Variants in RBM33 observed in about 807,000 individuals in gnomAD.
RBM33 encodes RNA binding motif protein 33.
In RBM33, 28 loss-of-function variants were observed where a neutral mutation model predicts 132.6. That is an observed-to-expected ratio of 0.21 (90% CI 0.16 to 0.29). The LOEUF (loss-of-function observed/expected upper bound fraction) is 0.29. Ranked by LOEUF, RBM33 falls within the 10% of genes least tolerant of loss-of-function variation. RBM33 has a pLI of 1.00. For synonymous variants in RBM33, 634 were observed against 593.0 expected, an observed-to-expected ratio of 1.07 and a Z score of -1.01; for missense variants, 1,291 against 1,518.5, an observed-to-expected ratio of 0.85 and a Z score of 2.49.
intron 2 of RBM33, among the ~76,000 whole-genome samples, chr7:155,668,339 C>T (rs1373533851): frequency 6.6e-6 from 1 of 152,082 alleles, no homozygotes. Flanking sequence ...TATTTTAGTT[C>T]CATGCAATTT....
chr7:155,755,657 A>G (rs1397662471), intron 14 of RBM33, among the ~76,000 whole-genome samples: 1 of 152,242 alleles, frequency 6.6e-6, no homozygotes, highest in African/African-American at 2.4e-5. Flanking sequence ...TTGCTAGTGA[A>G]TGCAAGTCAG....
At chr7:155,657,946 G>C (rs1798536954) in intron 1 of RBM33, among the ~76,000 whole-genome samples, 1 of 152,148 alleles carries the variant, frequency 6.6e-6, no homozygotes, top group Admixed American at 6.5e-5. Context: ...TTTTGCACTT[G>C]TTGGTCCAAG....
intron 14 of RBM33, among the ~76,000 whole-genome samples, chr7:155,755,752 G>A (rs1448479489): frequency 6.6e-6 from 1 of 152,110 alleles, no homozygotes; most frequent in Non-Finnish European, 1.5e-5. Context: ...ATCAGTAGGT[G>A]TTTTTATCTA....
rs568324599 is a variant in RBM33, at chr7:155,684,843, T to C, written c.567+3935T>C. ...ACCATAGTAAAACTTTCTACAATTA[T>C]TAAGCATGAATCATAAAGACGAAAA... is the stretch of plus-strand genomic sequence containing the variant. On this transcript the variant is annotated intron_variant, in intron 5 of 17. Coordinates refer to ENST00000401878, the MANE Select transcript of RBM33 (RefSeq NM_053043.3). 66 of 1,389,306 alleles carry C rather than the reference T, an allele frequency of 4.8e-5. No individual in the cohort carries two copies. In the East Asian group the frequency reaches 1.2e-3, roughly 25 times the overall value. 86.1% of individuals were successfully genotyped at this position (1,389,306 alleles called of 1,614,324 possible). A position where few individuals can be genotyped will look rare whatever the true frequency, so the allele number is the denominator to read the frequency against.
At chr7:155,683,175 C>T (rs1799382476) in intron 5 of RBM33, among the ~76,000 whole-genome samples, 1 of 152,174 alleles carries the variant, frequency 6.6e-6, no homozygotes, top group Non-Finnish European at 1.5e-5. Context: ...ATGATGATCA[C>T]AATGGTAACA....
chr7:155,737,393 A>T lies in RBM33; in HGVS notation c.1261-137A>T. 5.4e-6 allele frequency: 4 copies of T among 734,812 alleles called. No homozygotes were observed. The African/African-American group carries it at 7.8e-5, about 14-fold the overall frequency. 45.5% of individuals were successfully genotyped at this position (734,812 alleles called of 1,614,324 possible). A position where few individuals can be genotyped will look rare whatever the true frequency, so the allele number is the denominator to read the frequency against. ...TGTGTGTGTGTGTGTGTGTAGAAAG[A>T]GAAAGACAGTGACTGTTAGGAGACA... On this transcript the variant is annotated intron_variant, in intron 9 of 17. Transcript: ENST00000401878.
At position 155,738,233 on chromosome 7, in the gene RBM33, C is replaced by T; in HGVS notation, c.1567C>T (p.Pro523Ser). The T allele has an allele frequency of 6.2e-7, 1 of 1,613,986 alleles. No individual in the cohort carries two copies. The highest frequency in any genetic ancestry group is 8.5e-7 in the Non-Finnish European group (1 of 1,179,890). The change falls in exon 11 of 18, where the codon CCA (proline) becomes TCA (serine). Residue 523 changes from proline to serine, a missense_variant. Physicochemically the swap from Pro to Ser is moderately conservative, Grantham distance 74 (BLOSUM62 -1). Transcript: ENST00000401878. ...FNQQGQQPVF[P>S]RERPVRPALQ... Reference sequence around the variant, plus strand: ...TCAGCAAGGACAGCAGCCAGTGTTCCCAAGAGAGCGGCCCGTACGACCAGC... The same window carrying T: ...TCAGCAAGGACAGCAGCCAGTGTTCTCAAGAGAGCGGCCCGTACGACCAGC...
intron 9 of RBM33, among the ~76,000 whole-genome samples, chr7:155,736,325 A>G (rs1402629042): frequency 6.6e-6 from 1 of 152,256 alleles, no homozygotes; most frequent in African/African-American, 2.4e-5. Flanking sequence ...GATACTTAAA[A>G]GTTGTGAAAT....
chr7:155,659,800 G>A (rs1476471022), intron 1 of RBM33, among the ~76,000 whole-genome samples: 2 of 150,064 alleles, frequency 1.3e-5, no homozygotes, highest in Non-Finnish European at 2.9e-5. Context: ...TCAGGAGACC[G>A]GAAGTCCATA....
At chr7:155,681,012 A>G (rs73167121) in intron 5 of RBM33, 104 bp downstream of exon 5, 38,412 of 847,628 alleles carry the variant, frequency 0.045, 1,260 homozygotes, top group African/African-American at 0.14. Context: ...GGGAGGGGAA[A>G]TTAGACCTTA....
At chr7:155,724,442 C>A (rs533087631) in intron 9 of RBM33, among the ~76,000 whole-genome samples, 1 of 152,278 alleles carries the variant, frequency 6.6e-6, no homozygotes, top group African/African-American at 2.4e-5. Flanking sequence ...GCAGGAGAAT[C>A]GCTTGAACCC....
Position 155,692,381 on chromosome 7 carries a change from C to T in RBM33, c.568-8392C>T, listed in dbSNP as rs145878603. Among the ~76,000 whole-genome samples the T allele has an allele frequency of 3.6e-4, 55 of 152,286 alleles. 1 individual carries two copies. The East Asian group carries it at 0.01, about 28-fold the overall frequency. ...GTGAGCAAAGCGAGCAAATCACTGC[C>T]TGTCCTTTGTTCCGGAATATCTTTT... On this transcript the variant is annotated intron_variant, in intron 5 of 17. Transcript: ENST00000401878.
intron 9 of RBM33, among the ~76,000 whole-genome samples, chr7:155,731,253 T>G (rs905733674): frequency 6.6e-6 from 1 of 152,224 alleles, no homozygotes; most frequent in African/African-American, 2.4e-5. Context: ...TAAAGAGTCC[T>G]GCTGCAGCAG....
In RBM33 at chr7:155,739,839, CCCCACCCCAGCA is replaced by C. The variant is rs756497414; in HGVS notation, c.1869_1880del (p.Pro630_His633del). 1.9e-3 allele frequency: 2,741 copies of C among 1,430,766 alleles called. 3 individuals carry two copies. Among genetic ancestry groups the C allele is most frequent in the Middle Eastern group, 2.2e-3 (10 of 4,490 alleles). 88.6% of individuals were successfully genotyped at this position (1,430,766 alleles called of 1,614,324 possible). A position where few individuals can be genotyped will look rare whatever the true frequency, so the allele number is the denominator to read the frequency against. On this transcript the variant is annotated inframe_deletion, in exon 12 of 18. Coordinates refer to ENST00000401878, the MANE Select transcript of RBM33 (RefSeq NM_053043.3). ...CACCAGCCCCCGCCCCAGCACCAGCCCCCACCCCAGCACCCACCACAGCACCCGCCGCAGCAC... is the reference window on the plus strand; with the variant it reads ...CACCAGCCCCCGCCCCAGCACCAGCCCCCACCACAGCACCCGCCGCAGCAC...
intron 5 of RBM33, among the ~76,000 whole-genome samples, chr7:155,682,356 T>C (rs753207843): frequency 3.3e-5 from 5 of 152,228 alleles, no homozygotes; most frequent in African/African-American, 1.2e-4. Context: ...TCCATAACCC[T>C]GTAATAATTT....
chr7:155,777,602 GT>G lies in RBM33; in HGVS notation c.*2563del, dbSNP rs1802664585. Reference sequence around the variant, plus strand: ...AAGATCTGCTGCAACCATTATCTTTGTTCTTGAGTTCATCATGCATTTAAAA... The same window carrying G: ...AAGATCTGCTGCAACCATTATCTTTGTCTTGAGTTCATCATGCATTTAAAA... On this transcript the variant is annotated 3_prime_UTR_variant, in exon 18 of 18. Transcript: ENST00000401878. The G allele has an allele frequency of 6.6e-6, 1 of 152,590 alleles. No homozygotes were observed. The highest frequency in any genetic ancestry group is 1.5e-5 in the Non-Finnish European group (1 of 68,038). 9.5% of individuals were successfully genotyped at this position (152,590 alleles called of 1,614,324 possible).
chr7:155,745,790 T>G lies in RBM33; in HGVS notation c.2979+188T>G. 1.6e-6 allele frequency: 1 copy of G among 627,572 alleles called. No homozygotes were observed. The highest frequency in any genetic ancestry group is 2.7e-6 in the Non-Finnish European group (1 of 365,952). The allele number at this position is 627,572 out of a possible 1,614,324, so 38.9% of individuals were successfully genotyped here. A position where few individuals can be genotyped will look rare whatever the true frequency, so the allele number is the denominator to read the frequency against. On this transcript the variant is annotated intron_variant, in intron 14 of 17. Coordinates refer to ENST00000401878, the MANE Select transcript of RBM33 (RefSeq NM_053043.3). This position sits in a 1 kb window ranked among gnomAD's most constrained non-coding sequence, Gnocchi z 4.1. ...CGACAGGCATACATTCTCAGAAATG[T>G]GTTGTTAGGCGATTTTGTCATTGTC... is the stretch of plus-strand genomic sequence containing the variant.
chr7:155,705,964 C>CA (rs1040769620), intron 6 of RBM33, among the ~76,000 whole-genome samples: 1 of 152,146 alleles, frequency 6.6e-6, no homozygotes, highest in Non-Finnish European at 1.5e-5. Context: ...AAAATAAATA[C>CA]AAAAAATTGA....
rs757457216 is a variant in RBM33, at chr7:155,738,411, A to T, written c.1737+8A>T. ...ACACAGCCCAACCTGCAGGTAATGCATCCTGAGTGAACCTCCAGGGAAAAA... is the reference window on the plus strand; with the variant it reads ...ACACAGCCCAACCTGCAGGTAATGCTTCCTGAGTGAACCTCCAGGGAAAAA... On this transcript the variant is annotated splice_region_variant and intron_variant, in intron 11 of 17. Coordinates refer to ENST00000401878, the MANE Select transcript of RBM33 (RefSeq NM_053043.3). 21 of 1,601,256 alleles carry T rather than the reference A, an allele frequency of 1.3e-5. 1 individual carries two copies. The South Asian group carries it at 2.0e-4, about 15-fold the overall frequency.
Sources: gnomAD v4.1 joint callset for allele counts (sites outside exome capture counted in the v4.1 genomes callset) on GRCh38, gnomAD v4.1.1 for gene constraint, Gnocchi (gnomAD v3.1) non-coding constraint, MANE v1.5 for transcripts, NCBI Gene and HGNC (gene_info 2026-07-23, HGNC 2026-07-21) for gene names.